Variants in UNC79 observed in about 807,000 individuals in gnomAD.
UNC79 encodes the protein unc-79 subunit of NALCN channel complex, also known as protein unc-79 homolog.
Under a neutral mutation model 283.1 loss-of-function variants are expected in UNC79, and 37 were observed. That is an observed-to-expected ratio of 0.13 (90% CI 0.10 to 0.17). The LOEUF (loss-of-function observed/expected upper bound fraction) is 0.17. Ranked by LOEUF, UNC79 falls within the 10% of genes least tolerant of loss-of-function variation. UNC79 has a pLI of 1.00. For missense variants in UNC79, 2,272 were observed against 3,211.1 expected (o/e 0.71, Z 7.07); for synonymous variants, 1,107 against 1,200.2 (o/e 0.92, Z 1.61).
chr14:93,640,590 T>C (rs956475807), intron 32 of UNC79, among the ~76,000 whole-genome samples: 6 of 152,206 alleles, frequency 3.9e-5, no homozygotes, highest in Non-Finnish European at 7.3e-5. Flanking sequence ...CTCACGCCAC[T>C]GCATTCCAAC....
At chr14:93,339,083 G>C (rs1439151245) in intron 1 of UNC79, among the ~76,000 whole-genome samples, 1 of 152,080 alleles carries the variant, frequency 6.6e-6, no homozygotes, top group East Asian at 1.9e-4. Flanking sequence ...AGAAAATGGA[G>C]GTGAGGTACT....
At chr14:93,377,929 G>C (rs537496189) in intron 1 of UNC79, among the ~76,000 whole-genome samples, 1 of 152,222 alleles carries the variant, frequency 6.6e-6, no homozygotes, top group African/African-American at 2.4e-5. Flanking sequence ...TGTTTTTACT[G>C]GTAGACAACA....
At chr14:93,547,563 T>C (rs187900170) in intron 14 of UNC79, among the ~76,000 whole-genome samples, 12 of 152,340 alleles carry the variant, frequency 7.9e-5, no homozygotes, top group South Asian at 6.2e-4. Context: ...TTAACCTATA[T>C]GACACTAAGA....
intron 1 of UNC79, among the ~76,000 whole-genome samples, chr14:93,346,064 G>A (rs940833278): frequency 6.6e-6 from 1 of 151,520 alleles, no homozygotes; most frequent in Admixed American, 6.6e-5. Context: ...ATTCAAATTA[G>A]CATTTAAATG....
At chr14:93,481,372 T>C (rs1243033371) in intron 4 of UNC79, among the ~76,000 whole-genome samples, 1 of 152,154 alleles carries the variant, frequency 6.6e-6, no homozygotes, top group East Asian at 1.9e-4. Flanking sequence ...GTGGACTGAA[T>C]TGAAATATGG....
chr14:93,511,222 C>T (rs956918522), intron 7 of UNC79, among the ~76,000 whole-genome samples: 10 of 152,098 alleles, frequency 6.6e-5, no homozygotes, highest in Non-Finnish European at 1.0e-4. Context: ...CTGGGCTGCT[C>T]CTCCAACACT....
intron 1 of UNC79, among the ~76,000 whole-genome samples, chr14:93,445,081 T>C (rs1056682320): frequency 5.3e-5 from 8 of 152,220 alleles, no homozygotes; most frequent in Non-Finnish European, 1.0e-4. Flanking sequence ...GTTTTTCAAG[T>C]TTTATTTCCT....
rs1451581514 is a variant in UNC79 at position 93,592,355 on chromosome 14, T to C, written c.3033-1325T>C. ...ACGCCCGGCTAATTTTTTGTATTTT[T>C]AGTAGAGACGGAGTTTCACTGTGTT... On this transcript the variant is annotated intron_variant, in intron 22 of 48. Coordinates refer to ENST00000555664, the Ensembl canonical transcript of UNC79. Among the ~76,000 whole-genome samples the C allele has an allele frequency of 2.0e-5, 3 of 152,010 alleles. No individual in the cohort carries two copies. In the East Asian group the frequency reaches 5.8e-4, roughly 29 times the overall value.
intron 12 of UNC79, among the ~76,000 whole-genome samples, chr14:93,539,912 G>A (rs763230069): frequency 6.6e-6 from 1 of 152,050 alleles, no homozygotes; most frequent in Non-Finnish European, 1.5e-5. Flanking sequence ...TTTCTCTATC[G>A]TTACATATTT....
chr14:93,619,955 G>A (rs563870296), intron 29 of UNC79, among the ~76,000 whole-genome samples: 1 of 152,300 alleles, frequency 6.6e-6, no homozygotes, highest in African/African-American at 2.4e-5. Context: ...TCAAAAGGAC[G>A]AAAGAAGAAA....
At chr14:93,697,478 A>G (rs1259885912) in intron 47 of UNC79, among the ~76,000 whole-genome samples, 2 of 152,142 alleles carry the variant, frequency 1.3e-5, no homozygotes, top group African/African-American at 4.8e-5. Context: ...GCGTTACTAT[A>G]GCTTTATAAT....
chr14:93,499,824 A>T (rs1479090649), intron 7 of UNC79, among the ~76,000 whole-genome samples: 1 of 152,110 alleles, frequency 6.6e-6, no homozygotes, highest in Non-Finnish European at 1.5e-5. Flanking sequence ...AGTAAGTGAC[A>T]TTTAAGCTGA....
intron 32 of UNC79, 131 bp downstream of exon 35, chr14:93,637,430 C>T (rs920832755): frequency 9.0e-6 from 13 of 1,448,922 alleles, no homozygotes; most frequent in Non-Finnish European, 8.2e-6. Flanking sequence ...TGCCCAAACA[C>T]CCCCAGTGGC....
chr14:93,347,857 AAAATC>A (rs1034015489), intron 1 of UNC79, among the ~76,000 whole-genome samples: 2 of 152,120 alleles, frequency 1.3e-5, no homozygotes, highest in Non-Finnish European at 2.9e-5. Context: ...ATTAAAAAAA[AAAATC>A]AGGTGATCCA....
intron 7 of UNC79, among the ~76,000 whole-genome samples, chr14:93,522,301 A>G (rs990509485): frequency 7.9e-5 from 12 of 152,046 alleles, no homozygotes; most frequent in African/African-American, 2.9e-4. Context: ...AGACATTCTT[A>G]TAATACACTG....
chr14:93,641,395 CAGTG>C (rs2069020330), intron 33 of UNC79, 148 bp downstream of exon 36: 4 of 742,426 alleles, frequency 5.4e-6, no homozygotes. Flanking sequence ...GATGCTTGTT[CAGTG>C]AGTATGATAA....
At chr14:93,407,655 C>T (rs922297946) in intron 1 of UNC79, among the ~76,000 whole-genome samples, 2 of 152,022 alleles carry the variant, frequency 1.3e-5, no homozygotes, top group Admixed American at 6.6e-5. Flanking sequence ...TTTTCCGTCT[C>T]ACAGAAATGC....
chr14:93,565,242 G>A (rs753411106), intron 14 of UNC79, among the ~76,000 whole-genome samples: 4 of 152,272 alleles, frequency 2.6e-5, no homozygotes, highest in African/African-American at 7.2e-5. Flanking sequence ...TTTATTGGTC[G>A]TTGGGTTGGG....
chr14:93,656,335 C>G lies in UNC79; in HGVS notation c.6456+928C>G. ...ACAAAATGAATCAGGCAGGGCATAG[C>G]GGCTCATGCCTGTAATCCCAACACT... On this transcript the variant is annotated intron_variant, in intron 38 of 48. Transcript: ENST00000555664. Among the ~76,000 whole-genome samples the G allele has an allele frequency of 1.3e-5, 2 of 152,034 alleles. 1 individual carries two copies. The highest frequency in any genetic ancestry group is 3.9e-4 in the East Asian group (2 of 5,194).
Sources: gnomAD v4.1 joint callset for allele counts (sites outside exome capture counted in the v4.1 genomes callset) on GRCh38, gnomAD v4.1.1 for gene constraint, MANE v1.5 for transcripts, NCBI Gene and HGNC (gene_info 2026-07-23, HGNC 2026-07-21) for gene names.